TKT: variants seen among roughly 807,000 people sequenced by gnomAD.
The protein encoded by TKT is epididymis luminal protein 107.
A neutral mutation model predicts 63.9 loss-of-function variants in TKT; 47 were observed. The observed-to-expected ratio is 0.74, with a 90% CI of 0.58 to 0.94. TKT has a LOEUF of 0.94. TKT is among the 40% of genes least tolerant of loss of function. The pLI is 0.00. For missense variants in TKT, 721 were observed against 846.2 expected (o/e 0.85, Z 1.84); for synonymous variants, 338 against 334.1 (o/e 1.01, Z -0.13).
At chr3:53,239,340 G>A (rs987859779) in intron 4 of TKT, among the ~76,000 whole-genome samples, 5 of 151,854 alleles carry the variant, frequency 3.3e-5, no homozygotes, top group African/African-American at 9.7e-5. Context: ...GCAGAGTCTC[G>A]CTCTGTAGCC....
rs1704633856 is a variant in TKT at position 53,229,226 on chromosome 3, T to A, written c.1264+54A>T. 1.7e-5 allele frequency: 27 copies of A among 1,610,646 alleles called. No homozygotes were observed. In the South Asian group the frequency reaches 2.7e-4, roughly 16 times the overall value. ...TCCTGGCCCATCCCCCTCCCATACC[T>A]CCTGGTGCAAAAGTCAAGGGAGCTC... On this transcript the variant is annotated intron_variant, in intron 9 of 13. Coordinates refer to ENST00000462138, the MANE Select transcript of TKT (RefSeq NM_001064.4).
intron 1 of TKT, among the ~76,000 whole-genome samples, chr3:53,254,968 G>A (rs1553682055): frequency 6.6e-6 from 1 of 152,228 alleles, no homozygotes; most frequent in African/African-American, 2.4e-5. Flanking sequence ...CCTGGTGGCT[G>A]GCCCTGCCCC....
chr3:53,228,537 T>C, intron 10 of TKT, 178 bp from the exon 11 acceptor site: 2 of 646,496 alleles, frequency 3.1e-6, no homozygotes, highest in Non-Finnish European at 5.3e-6. Flanking sequence ...TTGAACACTC[T>C]GAGAACTGCC....
At chr3:53,236,408 A>G (rs3773745) in intron 4 of TKT, among the ~76,000 whole-genome samples, 84,838 of 152,100 alleles carry the variant, frequency 0.56, 24,786 homozygotes, top group South Asian at 0.84. Context: ...CTCCTGCCTC[A>G]TACTGCTCTT....
At chr3:53,249,909 C>G (rs1553681423) in intron 1 of TKT, among the ~76,000 whole-genome samples, 1 of 152,214 alleles carries the variant, frequency 6.6e-6, no homozygotes, top group African/African-American at 2.4e-5. Flanking sequence ...TTTTGTGGAA[C>G]TAGGCGACAG....
rs1704437244 is a variant in TKT, at chr3:53,224,783, C to T, written c.*973G>A. Reference sequence around the variant, plus strand: ...GGACGTGTCCACAAATGTGTCTCATCCTCGCAACAGCTCTGAGGATTTCCT... The same window carrying T: ...GGACGTGTCCACAAATGTGTCTCATTCTCGCAACAGCTCTGAGGATTTCCT... On this transcript the variant is annotated 3_prime_UTR_variant, in exon 14 of 14. Transcript: ENST00000462138. 1 of 152,326 alleles carries T rather than the reference C, an allele frequency of 6.6e-6. No homozygotes were observed. Among genetic ancestry groups the T allele is most frequent in the South Asian group, 2.1e-4 (1 of 4,832 alleles). 9.4% of individuals were successfully genotyped at this position (152,326 alleles called of 1,614,324 possible). A position where few individuals can be genotyped will look rare whatever the true frequency, so the allele number is the denominator to read the frequency against.
In TKT at chr3:53,230,452, C is replaced by T. The variant is rs781816182; in HGVS notation, c.1107+5G>A. ...GGACCTGTCCCTGCCGGCCCCAGCA[C>T]CTACCATGTTCTGCTCAGCAATGTA... On this transcript the variant is annotated splice_donor_5th_base_variant and intron_variant, in intron 8 of 13. Coordinates refer to ENST00000462138, the MANE Select transcript of TKT (RefSeq NM_001064.4). 1.9e-6 allele frequency: 3 copies of T among 1,614,106 alleles called. No individual in the cohort carries two copies. The highest frequency in any genetic ancestry group is 2.5e-6 in the Non-Finnish European group (3 of 1,180,042).
chr3:53,243,418 C>T, intron 1 of TKT, among the ~76,000 whole-genome samples: 1 of 152,112 alleles, frequency 6.6e-6, no homozygotes, highest in South Asian at 2.1e-4. Context: ...GCACATGCAC[C>T]ATCTGGAGCT....
intron 5 of TKT, chr3:53,234,740 G>A (rs1445134295): frequency 2.5e-6 from 1 of 408,100 alleles, no homozygotes; most frequent in Non-Finnish European, 4.4e-6. Flanking sequence ...GAAGCTCCGA[G>A]AGCCACCATG....
intron 12 of TKT, chr3:53,227,766 C>T (rs1174548573): frequency 1.2e-5 from 4 of 346,266 alleles, no homozygotes; most frequent in African/African-American, 8.5e-5. Flanking sequence ...TGATTCCAGC[C>T]CAGCTGGCAG....
chr3:53,242,761 T>C, intron 1 of TKT, among the ~76,000 whole-genome samples: 2 of 152,092 alleles, frequency 1.3e-5, no homozygotes, highest in Non-Finnish European at 2.9e-5. Flanking sequence ...CCCTGCCCTC[T>C]CAGCACCCAG....
chr3:53,236,666 G>C (rs3773746), intron 4 of TKT, among the ~76,000 whole-genome samples: 26,538 of 152,084 alleles, frequency 0.17, 2,397 homozygotes, highest in South Asian at 0.29. Flanking sequence ...TCCAGGGAAG[G>C]CAACTGGCTG....
Position 53,230,473 on chromosome 3 carries a change from A to G in TKT, c.1091T>C (p.Ile364Thr). The change falls in exon 8 of 14, where the codon ATT (isoleucine) becomes ACT (threonine). Residue 364 changes from isoleucine to threonine, a missense_variant. Transcript: ENST00000462138. Reference protein sequence around the residue: ...EHPDRFIECYIAEQNMVSIAV... With the variant: ...EHPDRFIECYTAEQNMVSIAV... ...AGCACCTACCATGTTCTGCTCAGCA[A>G]TGTAGCACTCGATGAAGCGGTCCGG... 6.2e-7 allele frequency: 1 copy of G among 1,614,194 alleles called. No individual in the cohort carries two copies. Among genetic ancestry groups the G allele is most frequent in the Non-Finnish European group, 8.5e-7 (1 of 1,180,032 alleles).
intron 1 of TKT, among the ~76,000 whole-genome samples, chr3:53,243,362 C>T (rs527613311): frequency 3.3e-5 from 5 of 151,498 alleles, no homozygotes; most frequent in Admixed American, 3.3e-4. Flanking sequence ...TCTCGCTGCT[C>T]CCAGAGGTCC....
chr3:53,226,215 C>T (rs73840249), intron 13 of TKT: 66,523 of 365,786 alleles, frequency 0.18, 6,110 homozygotes, highest in South Asian at 0.3. Flanking sequence ...CCACCATGCA[C>T]GGCCCAGAAC....
At chr3:53,242,050 C>T in intron 2 of TKT, 75 bp downstream of exon 2, 3 of 1,417,084 alleles carry the variant, frequency 2.1e-6, no homozygotes, top group Non-Finnish European at 3.0e-6. Context: ...CCTCAAAGAC[C>T]ACTCACCATT....
At chr3:53,227,897 A>G in intron 12 of TKT, 159 bp downstream of exon 12, 1 of 654,000 alleles carries the variant, frequency 1.5e-6, no homozygotes, top group South Asian at 1.9e-5. Flanking sequence ...CAAGTGCTCA[A>G]AGGATGGCTA....
At chr3:53,233,367 C>A in intron 5 of TKT, 93 bp from the exon 6 acceptor site, 1 of 970,156 alleles carries the variant, frequency 1.0e-6, no homozygotes. Flanking sequence ...CAGCTGGGGT[C>A]TGCCCAGGCT....
chr3:53,229,543 A>G (rs142010658), intron 8 of TKT, 107 bp from the exon 9 acceptor site: 93 of 1,268,396 alleles, frequency 7.3e-5, no homozygotes, highest in Non-Finnish European at 9.8e-5. Flanking sequence ...TAGATTGTCC[A>G]TCCTTTCTGG....
Sources: gnomAD v4.1 joint callset for allele counts (sites outside exome capture counted in the v4.1 genomes callset) on GRCh38, gnomAD v4.1.1 for gene constraint, MANE v1.5 for transcripts, NCBI Gene and HGNC (gene_info 2026-07-23, HGNC 2026-07-21) for gene names.